The following MEGF10 variants were observed in gnomAD, a reference collection of about 807,000 sequenced individuals.
MEGF10 encodes the protein multiple EGF like domains 10.
MEGF10 carries 86 observed loss-of-function variants against 147.5 expected under a neutral mutation model. The observed-to-expected ratio is 0.58, with a 90% CI of 0.49 to 0.70. MEGF10 has a LOEUF of 0.70. MEGF10 is among the 30% of genes least tolerant of loss of function. MEGF10 has a pLI of 0.00. For synonymous variants in MEGF10, 478 were observed against 525.5 expected, an observed-to-expected ratio of 0.91 and a Z score of 1.24; for missense variants, 1,329 against 1,487.3, an observed-to-expected ratio of 0.89 and a Z score of 1.75.
intron 13 of MEGF10, among the ~76,000 whole-genome samples, chr5:127,430,470 C>G (rs1765356179): frequency 6.6e-6 from 1 of 152,166 alleles, no homozygotes; most frequent in Non-Finnish European, 1.5e-5. Context: ...AGTCATATAC[C>G]TGGTGCGACT....
At chr5:127,244,652 T>C in the MEGF10 span, among the ~76,000 whole-genome samples, 2 of 152,078 alleles carry the variant, frequency 1.3e-5, no homozygotes, top group African/African-American at 4.8e-5. Flanking sequence ...TAAATGACAT[T>C]GGACTTCTTA....
the MEGF10 span, among the ~76,000 whole-genome samples, chr5:127,239,239 C>T: frequency 1.3e-5 from 2 of 151,610 alleles, no homozygotes; most frequent in African/African-American, 4.9e-5. Context: ...GAAAAAACAG[C>T]TATACAGGAT....
the MEGF10 span, among the ~76,000 whole-genome samples, chr5:127,268,954 C>T: frequency 2.2e-3 from 340 of 152,316 alleles, 2 homozygotes; most frequent in African/African-American, 7.7e-3. Context: ...CTGCAGCCTC[C>T]GCTGCTGATA....
At chr5:127,364,040 T>C (rs1762570566) in intron 4 of MEGF10, among the ~76,000 whole-genome samples, 1 of 152,214 alleles carries the variant, frequency 6.6e-6, no homozygotes, top group African/African-American at 2.4e-5. Context: ...TGTTTTATCT[T>C]TCATGAGATC....
chr5:127,442,236 T>C (rs775225353), intron 18 of MEGF10, among the ~76,000 whole-genome samples: 59 of 152,224 alleles, frequency 3.9e-4, no homozygotes, highest in Non-Finnish European at 7.3e-4. Flanking sequence ...CAATGCTTAT[T>C]TGTAAACAGA....
intron 9 of MEGF10, among the ~76,000 whole-genome samples, chr5:127,414,216 C>T (rs1415985637): frequency 1.3e-5 from 2 of 152,154 alleles, no homozygotes; most frequent in Non-Finnish European, 2.9e-5. Context: ...GTCTGGTCCC[C>T]TCAGCAGGCT....
chr5:127,385,717 A>G (rs1481878041), intron 5 of MEGF10, among the ~76,000 whole-genome samples: 1 of 152,260 alleles, frequency 6.6e-6, no homozygotes, highest in Non-Finnish European at 1.5e-5. Flanking sequence ...CACTGTAAGT[A>G]TCTGGTAGAG....
At chr5:127,304,888 C>G (rs1241924622) in intron 1 of MEGF10, among the ~76,000 whole-genome samples, 1 of 152,194 alleles carries the variant, frequency 6.6e-6, no homozygotes, top group African/African-American at 2.4e-5. Flanking sequence ...ACCAAATTGG[C>G]TAGGACCTTG....
intron 1 of MEGF10, among the ~76,000 whole-genome samples, chr5:127,309,296 C>T (rs1760155994): frequency 6.6e-6 from 1 of 152,202 alleles, no homozygotes; most frequent in South Asian, 2.1e-4. Context: ...ATGCACATAA[C>T]ATACCATACA....
At chr5:127,428,191 T>C (rs1262973867) in intron 13 of MEGF10, among the ~76,000 whole-genome samples, 1 of 131,394 alleles carries the variant, frequency 7.6e-6, no homozygotes, top group Non-Finnish European at 1.6e-5. Context: ...GGCAAACACC[T>C]CTGATTTATA....
At chr5:127,372,416 T>C (rs1762880610) in intron 5 of MEGF10, among the ~76,000 whole-genome samples, 1 of 152,236 alleles carries the variant, frequency 6.6e-6, no homozygotes, top group Admixed American at 6.5e-5. Context: ...AAATTACTAT[T>C]AGTTTGTCAA....
At chr5:127,342,286 A>G (rs17684525) in intron 4 of MEGF10, among the ~76,000 whole-genome samples, 4,478 of 152,262 alleles carry the variant, frequency 0.029, 115 homozygotes, top group East Asian at 0.11. Flanking sequence ...AGAGGCCTTC[A>G]GTGACATTAT....
intron 1 of MEGF10, among the ~76,000 whole-genome samples, chr5:127,307,117 C>G (rs145089345): frequency 7.9e-5 from 12 of 152,224 alleles, no homozygotes; most frequent in African/African-American, 2.9e-4. Flanking sequence ...ACGCTTCTCC[C>G]CTAGAGTTCT....
intron 1 of MEGF10, among the ~76,000 whole-genome samples, chr5:127,301,038 C>T (rs1759743517): frequency 6.6e-6 from 1 of 152,166 alleles, no homozygotes; most frequent in Admixed American, 6.5e-5. Flanking sequence ...TTTCCTGAAT[C>T]TTTGGATGAC....
intron 4 of MEGF10, among the ~76,000 whole-genome samples, chr5:127,353,361 C>T (rs1296285897): frequency 4.6e-5 from 7 of 152,202 alleles, no homozygotes; most frequent in African/African-American, 1.7e-4. Context: ...GAAACCCGAC[C>T]TCTTAGCATG....
intron 2 of MEGF10, among the ~76,000 whole-genome samples, chr5:127,335,408 A>G (rs1761421983): frequency 6.6e-6 from 1 of 152,204 alleles, no homozygotes; most frequent in African/African-American, 2.4e-5. Context: ...ATGGAGTGTT[A>G]GCAGAGGAAC....
In MEGF10 at chr5:127,455,503, G is replaced by C. The variant is rs1766325560; in HGVS notation, c.3128G>C (p.Ser1043Thr). ...IKDPPVLIPK[S>T]SECGYVEMKS... ...GACCCACCTGTACTTATCCCGAAAA[G>C]CTCAGAGTGTGGTTATGTGGAGATG... Residue 1043 changes from serine to threonine, a missense_variant, in exon 24 of 25, where the codon AGC (serine) becomes ACC (threonine). Ser to Thr is a moderately conservative substitution (Grantham distance 58). Transcript: ENST00000503335. 1 of 1,614,118 alleles carries C rather than the reference G, an allele frequency of 6.2e-7. No individual in the cohort carries two copies. Among genetic ancestry groups the C allele is most frequent in the Non-Finnish European group, 8.5e-7 (1 of 1,180,014 alleles).
chr5:127,425,395 T>C (rs79026966), intron 13 of MEGF10, among the ~76,000 whole-genome samples: 2,844 of 152,318 alleles, frequency 0.019, 55 homozygotes, highest in South Asian at 0.079. Flanking sequence ...TGCCTCATGG[T>C]CTGTCAGTCA....
chr5:127,304,361 T>C (rs1009295754), intron 1 of MEGF10, among the ~76,000 whole-genome samples: 1 of 152,224 alleles, frequency 6.6e-6, no homozygotes, highest in Non-Finnish European at 1.5e-5. Context: ...ATAGTTTGAA[T>C]TTAATTTCTT....
Sources: allele counts gnomAD v4.1 joint callset (sites outside exome capture counted in the v4.1 genomes callset), GRCh38; gene constraint gnomAD v4.1.1; transcripts MANE v1.5; gene names NCBI Gene and HGNC (gene_info 2026-07-23, HGNC 2026-07-21).